The following TTC39A variants were observed in gnomAD, a reference collection of about 807,000 sequenced individuals.
TTC39A encodes tetratricopeptide repeat protein 39A.
TTC39A carries 46 observed loss-of-function variants against 82.3 expected under a neutral mutation model. The observed-to-expected ratio is 0.56, with a 90% CI of 0.44 to 0.71. The LOEUF is 0.71. Among genes scored for constraint, TTC39A ranks in the 30% least tolerant of loss-of-function variants. The probability of loss-of-function intolerance (pLI) is 0.00; values close to 1 mark genes in which losing one functional copy is unlikely to be tolerated. For synonymous variants in TTC39A, 254 were observed against 275.2 expected, an observed-to-expected ratio of 0.92 and a Z score of 0.76; for missense variants, 543 against 712.9, an observed-to-expected ratio of 0.76 and a Z score of 2.71.
intron 1 of TTC39A, among the ~76,000 whole-genome samples, chr1:51,337,635 C>A (rs1645991339): frequency 6.6e-6 from 1 of 152,010 alleles, no homozygotes; most frequent in Middle Eastern, 3.2e-3. Flanking sequence ...CCATGTTGGC[C>A]AGGCTGGTCT....
upstream of TTC39A, chr1:51,330,986 C>T (rs1054137987): frequency 6.0e-6 from 4 of 665,634 alleles, no homozygotes; most frequent in Non-Finnish European, 2.7e-6. The surrounding 1 kb of genome is among the most constrained non-coding windows in gnomAD (Gnocchi z 4.5). Context: ...ATCCCACCAT[C>T]TCGCCCACTG....
At position 51,330,300 on chromosome 1, in the gene TTC39A, C is replaced by T; in HGVS notation, c.41+137G>A. The T allele has an allele frequency of 4.3e-6, 4 of 936,054 alleles. No individual in the cohort carries two copies. Among genetic ancestry groups the T allele is most frequent in the Non-Finnish European group, 5.1e-6 (4 of 785,740 alleles). 58.0% of individuals were successfully genotyped at this position (936,054 alleles called of 1,614,324 possible). A position where few individuals can be genotyped will look rare whatever the true frequency, so the allele number is the denominator to read the frequency against. On this transcript the variant is annotated intron_variant, in intron 1 of 17. Coordinates refer to ENST00000680483, the MANE Select transcript of TTC39A (RefSeq NM_001297663.2). The surrounding 1 kb of genome is among the most constrained non-coding windows in gnomAD (Gnocchi z 4.5). ...TGGCAGCGGCGGCGGCTGCCAGGGGCCGGGCGGGGTGGGGGCTGGAAGCCG... is the reference window on the plus strand; with the variant it reads ...TGGCAGCGGCGGCGGCTGCCAGGGGTCGGGCGGGGTGGGGGCTGGAAGCCG...
chr1:51,300,662 C>T (rs181352764), intron 12 of TTC39A: 2 of 152,366 alleles, frequency 1.3e-5, no homozygotes, highest in South Asian at 4.1e-4. Context: ...TACAAGCTAA[C>T]ACTTATTTCA....
chr1:51,327,789 C>T (rs1019824490), intron 1 of TTC39A, among the ~76,000 whole-genome samples: 2 of 151,732 alleles, frequency 1.3e-5, no homozygotes, highest in Admixed American at 6.6e-5. Flanking sequence ...CTCCGCCTCC[C>T]GGGTTCAAGA....
At chr1:51,305,697 T>G in intron 7 of TTC39A, 1 of 492,292 alleles carries the variant, frequency 2.0e-6, no homozygotes, top group South Asian at 2.4e-5. Flanking sequence ...TGTGCCAAGG[T>G]CGGGTGCTGT....
intron 1 of TTC39A, among the ~76,000 whole-genome samples, chr1:51,337,424 A>ATTT (rs1017474435): frequency 8.3e-5 from 11 of 132,098 alleles, no homozygotes; most frequent in East Asian, 2.1e-4. Context: ...ATTCTGTTTA[A>ATTT]TTTTTTTTTT....
Position 51,290,118 on chromosome 1 carries a change from C to A in TTC39A, c.1380G>T (p.Glu460Asp). 6.2e-7 allele frequency: 1 copy of A among 1,612,634 alleles called. No individual in the cohort carries two copies. The highest frequency in any genetic ancestry group is 8.5e-7 in the Non-Finnish European group (1 of 1,179,346). ...KAEEMLEKGP[E>D]NEYSVDDECL... ...ACTCGTCATCCACTGAGTACTCGTT[C>A]TCTGAAAATAGGGATGTGAGGGAAA... The change falls in exon 16 of 18, where the codon GAG (glutamate) becomes GAT (aspartate). Residue 460 changes from glutamate to aspartate, a missense_variant and splice_region_variant. Coordinates refer to ENST00000680483, the MANE Select transcript of TTC39A (RefSeq NM_001297663.2).
Position 51,287,950 on chromosome 1 carries a change from A to T in TTC39A, c.*207T>A. Reference sequence around the variant, plus strand: ...TGTGATAGGGCAGGCAGAGGGCTCCACCTGCTCTGCCCTTGGCAAAGGCCC... The same window carrying T: ...TGTGATAGGGCAGGCAGAGGGCTCCTCCTGCTCTGCCCTTGGCAAAGGCCC... On this transcript the variant is annotated 3_prime_UTR_variant, in exon 18 of 18. Transcript: ENST00000680483. 1.5e-6 allele frequency: 1 copy of T among 683,244 alleles called. No homozygotes were observed. The highest frequency in any genetic ancestry group is 2.4e-6 in the Non-Finnish European group (1 of 425,516). 42.3% of individuals were successfully genotyped at this position (683,244 alleles called of 1,614,324 possible). A position where few individuals can be genotyped will look rare whatever the true frequency, so the allele number is the denominator to read the frequency against.
chr1:51,295,935 G>A (rs747481837), intron 13 of TTC39A, 144 bp downstream of exon 13: 2 of 799,792 alleles, frequency 2.5e-6, no homozygotes, highest in African/African-American at 1.7e-5. Flanking sequence ...GACACGCAGG[G>A]GGGGCAGTCC....
At chr1:51,331,231 C>A, upstream of TTC39A, 1 of 1,549,646 alleles carries the variant, frequency 6.5e-7, no homozygotes, top group Non-Finnish European at 8.7e-7. Flanking sequence ...TCCCCCTTGG[C>A]CCCCTCTCCC....
Position 51,312,683 on chromosome 1 carries a change from G to A in TTC39A, c.278+129C>T, listed in dbSNP as rs947894535. On this transcript the variant is annotated intron_variant, in intron 3 of 17. Transcript: ENST00000680483. ...GCAGGGCCAACAGGGACAGCTCTTA[G>A]CACATGCAGACACAACCTCTTAGCC... The A allele has an allele frequency of 4.4e-6, 6 of 1,367,378 alleles. No individual in the cohort carries two copies. The African/African-American group carries it at 8.6e-5, about 20-fold the overall frequency. 84.7% of individuals were successfully genotyped at this position (1,367,378 alleles called of 1,614,324 possible).
chr1:51,312,022 C>T, intron 4 of TTC39A, 97 bp downstream of exon 4: 2 of 1,299,744 alleles, frequency 1.5e-6, no homozygotes, highest in Non-Finnish European at 2.1e-6. Flanking sequence ...AGGGCCTGGC[C>T]CCCTAGGCGA....
intron 9 of TTC39A, 42 bp from the exon 10 acceptor site, chr1:51,302,615 C>T (rs759940150): frequency 6.4e-7 from 1 of 1,564,096 alleles, no homozygotes; most frequent in South Asian, 1.2e-5. Context: ...TGTCACCACC[C>T]CTGGCTCCTG....
intron 5 of TTC39A, among the ~76,000 whole-genome samples, chr1:51,310,639 G>A (rs891887257): frequency 1.3e-5 from 2 of 152,116 alleles, no homozygotes; most frequent in African/African-American, 4.8e-5. Flanking sequence ...TCAGGCAAAA[G>A]CATGCAGTGA....
chr1:51,310,111 C>T (rs1645029964), intron 5 of TTC39A, among the ~76,000 whole-genome samples: 1 of 151,984 alleles, frequency 6.6e-6, no homozygotes, highest in Non-Finnish European at 1.5e-5. Flanking sequence ...ACTAAAAATA[C>T]AAAAATACAA....
At chr1:51,335,883 T>G (rs1645968500), upstream of TTC39A, among the ~76,000 whole-genome samples, 1 of 152,242 alleles carries the variant, frequency 6.6e-6, no homozygotes, top group East Asian at 1.9e-4. Context: ...GAACCTCAGT[T>G]TTCCCATCTA....
At chr1:51,302,708 A>C in intron 9 of TTC39A, 135 bp from the exon 10 acceptor site, 1 of 971,816 alleles carries the variant, frequency 1.0e-6, no homozygotes, top group East Asian at 2.6e-5. Flanking sequence ...CCCTGTCCCT[A>C]GGGTGACATG....
At chr1:51,307,650 G>A (rs192192528) in intron 6 of TTC39A, among the ~76,000 whole-genome samples, 2 of 150,044 alleles carry the variant, frequency 1.3e-5, no homozygotes, top group East Asian at 2.0e-4. Flanking sequence ...CAGAAGAATC[G>A]CTTGAATCTG....
At chr1:51,340,448 G>A (rs1453544346) in intron 1 of TTC39A, among the ~76,000 whole-genome samples, 3 of 152,168 alleles carry the variant, frequency 2.0e-5, no homozygotes, top group Non-Finnish European at 4.4e-5. Context: ...CGTAATTTGG[G>A]TATGTCATGA....
Sources: allele counts gnomAD v4.1 joint callset (sites outside exome capture counted in the v4.1 genomes callset), GRCh38; gene constraint gnomAD v4.1.1; non-coding constraint Gnocchi (gnomAD v3.1); transcripts MANE v1.5; gene names NCBI Gene and HGNC (gene_info 2026-07-23, HGNC 2026-07-21).